Variants in CLCN5 observed in about 807,000 individuals in gnomAD.
CLCN5 encodes Cl-/H+ antiporter 5.
In CLCN5, 17 loss-of-function variants were observed where a neutral mutation model predicts 54.0. The observed-to-expected ratio is 0.31, with a 90% CI of 0.22 to 0.47. The LOEUF (loss-of-function observed/expected upper bound fraction) is 0.47, where lower values mean the gene tolerates loss of function less well. Ranked by LOEUF, CLCN5 falls within the 20% of genes least tolerant of loss-of-function variation. The pLI is 1.00. For missense variants in CLCN5, 448 were observed against 646.7 expected (o/e 0.69, Z 3.33); for synonymous variants, 222 against 233.0 (o/e 0.95, Z 0.43).
Position 50,075,780 on chromosome X carries a change from C to T in CLCN5, c.416-15C>T. 1 of 1,207,504 alleles carries T rather than the reference C, an allele frequency of 8.3e-7. No homozygotes were observed. Among genetic ancestry groups the T allele is most frequent in the South Asian group, 1.8e-5 (1 of 56,870 alleles). On this transcript the variant is annotated splice_polypyrimidine_tract_variant and intron_variant, in intron 6 of 14. Coordinates refer to ENST00000376091, the MANE Select transcript of CLCN5 (RefSeq NM_001127898.4). ...CAGTTTAACTTTGGCCTTTCCCTCC[C>T]TCCCCACAAATCAGGTTCGTTAGCT...
chrX:50,011,767 C>T (rs1361128502), intron 3 of CLCN5, among the ~76,000 whole-genome samples: 4 of 112,235 alleles, frequency 3.6e-5, no homozygotes, highest in Admixed American at 9.4e-5. Flanking sequence ...ACACTATATG[C>T]GGTGAGCCTT....
At chrX:50,070,070 A>G in intron 5 of CLCN5, 40 bp downstream of exon 5, 1 of 1,125,542 alleles carries the variant, frequency 8.9e-7, no homozygotes, top group African/African-American at 1.8e-5. Flanking sequence ...GTTAGGAAAT[A>G]CAGGGGAAGA....
chrX:50,057,955 G>C (rs978160369), intron 4 of CLCN5, among the ~76,000 whole-genome samples: 16 of 110,811 alleles, frequency 1.4e-4, no homozygotes, highest in Non-Finnish European at 5.7e-5. Flanking sequence ...CAGGATGCGG[G>C]TATGGAAGTA....
chrX:50,035,204 C>T (rs782428804), intron 3 of CLCN5, among the ~76,000 whole-genome samples: 3 of 111,743 alleles, frequency 2.7e-5, no homozygotes, highest in African/African-American at 9.7e-5. Context: ...CACCTAGCTG[C>T]TGTGTAATTG....
At chrX:49,939,150 A>G (rs77283653) in intron 3 of CLCN5, among the ~76,000 whole-genome samples, 61 of 111,656 alleles carry the variant, frequency 5.5e-4, no homozygotes, top group African/African-American at 9.5e-4. Flanking sequence ...AGGTGCTGGA[A>G]AGGATGTGGA....
chrX:49,991,019 C>T (rs782131090), intron 3 of CLCN5, among the ~76,000 whole-genome samples: 22 of 112,378 alleles, frequency 2.0e-4, no homozygotes, highest in South Asian at 7.3e-4. Flanking sequence ...CTATAACATG[C>T]GTGTGCAAGT....
chrX:50,033,197 G>A (rs1232155345), intron 3 of CLCN5, among the ~76,000 whole-genome samples: 3 of 110,933 alleles, frequency 2.7e-5, no homozygotes, highest in Non-Finnish European at 5.7e-5. Context: ...GAAATAAAGG[G>A]TATTCAATTA....
Position 50,008,523 on chromosome X carries a change from C to T in CLCN5, c.17-33793C>T, listed in dbSNP as rs782631587. 1.1e-4 allele frequency: 39 copies of T among 341,384 alleles called. No individual in the cohort carries two copies. The East Asian group carries it at 2.4e-3, about 21-fold the overall frequency. The allele number at this position is 341,384 out of a possible 1,213,427, so 28.1% of individuals were successfully genotyped here. On this transcript the variant is annotated intron_variant, in intron 3 of 14. Transcript: ENST00000376091. ...ATTCTGAGAGCGAGAGCTTCATCTT[C>T]GTGTAGGACAGAGCGTCTTTCTGTC...
intron 3 of CLCN5, among the ~76,000 whole-genome samples, chrX:49,958,997 T>G (rs1927467661): frequency 9.0e-6 from 1 of 111,564 alleles, no homozygotes; most frequent in Non-Finnish European, 1.9e-5. Flanking sequence ...CCTAAAAGCT[T>G]GTTTTCTGTG....
At chrX:50,091,095 G>A (rs782770661) in intron 14 of CLCN5, among the ~76,000 whole-genome samples, 31 of 111,846 alleles carry the variant, frequency 2.8e-4, no homozygotes, top group Non-Finnish European at 5.1e-4. Context: ...TGAGAGATGT[G>A]AACTGCTGGT....
rs2147615192 is a variant in CLCN5, at chrX:50,094,016, A to G, written c.*1797A>G. Reference sequence around the variant, plus strand: ...AGCCCAGAATCAGCGGTCATTCTGCATATTCCCACCAACCCTCTACCCCCA... The same window carrying G: ...AGCCCAGAATCAGCGGTCATTCTGCGTATTCCCACCAACCCTCTACCCCCA... On this transcript the variant is annotated 3_prime_UTR_variant, in exon 15 of 15. Transcript: ENST00000376091. The G allele has an allele frequency of 9.0e-6, 1 of 111,339 alleles. No homozygotes were observed. The highest frequency in any genetic ancestry group is 3.8e-4 in the South Asian group (1 of 2,635). The allele number at this position is 111,339 out of a possible 1,213,427, so 9.2% of individuals were successfully genotyped here.
chrX:50,021,256 C>G (rs200549448), intron 3 of CLCN5, among the ~76,000 whole-genome samples: 5 of 94,095 alleles, frequency 5.3e-5, no homozygotes, highest in Admixed American at 4.4e-4. Flanking sequence ...GGGAGTTCAC[C>G]CATGATTTGG....
intron 3 of CLCN5, among the ~76,000 whole-genome samples, chrX:50,028,143 C>T (rs937624969): frequency 1.8e-5 from 2 of 111,635 alleles, no homozygotes; most frequent in Non-Finnish European, 3.8e-5. Flanking sequence ...TTCTCCCTTT[C>T]GTTTTGTTTT....
intron 4 of CLCN5, among the ~76,000 whole-genome samples, chrX:50,060,438 G>A (rs1557189731): frequency 3.7e-5 from 4 of 108,216 alleles, no homozygotes. Flanking sequence ...CGAATATTGC[G>A]CTTTTCAGAC....
chrX:49,949,578 C>G, intron 3 of CLCN5, among the ~76,000 whole-genome samples: 1 of 111,359 alleles, frequency 9.0e-6, no homozygotes, highest in Non-Finnish European at 1.9e-5. Flanking sequence ...TATCCCCAGA[C>G]TTTTTCAGTG....
Position 50,006,175 on chromosome X carries a change from TA to T in CLCN5, c.17-36136del, listed in dbSNP as rs782238887. Among the ~76,000 whole-genome samples the T allele has an allele frequency of 4.5e-5, 5 of 111,910 alleles. No homozygotes were observed. The East Asian group carries it at 1.4e-3, about 32-fold the overall frequency. ...ATCAGGGTGATCGTGGTGAAGGTAGTAAAAAGTGGTTATATTTTAAAGTTAC... is the reference window on the plus strand; with the variant it reads ...ATCAGGGTGATCGTGGTGAAGGTAGTAAAAGTGGTTATATTTTAAAGTTAC... On this transcript the variant is annotated intron_variant, in intron 3 of 14. Transcript: ENST00000376091.
chrX:50,079,011 G>A (rs1460593923), intron 7 of CLCN5, among the ~76,000 whole-genome samples: 1 of 111,296 alleles, frequency 9.0e-6, no homozygotes, highest in African/African-American at 3.3e-5. Context: ...TTTTAGTAGA[G>A]ACGGGGTTTC....
rs1452652725 is a variant in CLCN5 at position 50,060,859 on chromosome X, G to A, written c.164-9020G>A. On this transcript the variant is annotated intron_variant, in intron 4 of 14. Transcript: ENST00000376091. Reference sequence around the variant, plus strand: ...AGTGGGTCCCTGACCCCTGACCCCCGAGCAGCCTAACTGGGAGGCACCCCC... The same window carrying A: ...AGTGGGTCCCTGACCCCTGACCCCCAAGCAGCCTAACTGGGAGGCACCCCC... 8.7e-5 allele frequency among the ~76,000 whole-genome samples: 8 copies of A among 92,342 alleles called. No individual in the cohort carries two copies. In the East Asian group the frequency reaches 1.3e-3, roughly 15 times the overall value. The allele number at this position is 92,342 out of a possible 115,157, so 80.2% of individuals were successfully genotyped here.
At chrX:50,063,076 C>A (rs1932888231) in intron 4 of CLCN5, among the ~76,000 whole-genome samples, 1 of 108,342 alleles carries the variant, frequency 9.2e-6, no homozygotes, top group South Asian at 4.1e-4. Context: ...AAAATTGACA[C>A]CCTAACATCA....
Sources: gnomAD v4.1 joint callset for allele counts (sites outside exome capture counted in the v4.1 genomes callset) on GRCh38, gnomAD v4.1.1 for gene constraint, MANE v1.5 for transcripts, NCBI Gene and HGNC (gene_info 2026-07-23, HGNC 2026-07-21) for gene names.